Variants in TRRAP observed in about 807,000 individuals in gnomAD.
TRRAP encodes the protein transformation/transcription domain-associated protein.
In TRRAP, 41 loss-of-function variants were observed where a neutral mutation model predicts 438.8. The ratio of observed to expected loss-of-function variants is 0.09; its 90% CI spans 0.07 to 0.12. The LOEUF (loss-of-function observed/expected upper bound fraction) is 0.12. Among genes scored for constraint, TRRAP ranks in the 10% least tolerant of loss-of-function variants. The probability of loss-of-function intolerance (pLI) is 1.00; values close to 1 mark genes in which losing one functional copy is unlikely to be tolerated. For synonymous variants in TRRAP, 1,994 were observed against 1,962.9 expected (o/e 1.02, Z -0.42); for missense variants, 3,122 against 5,055.1 (o/e 0.62, Z 11.60).
At chr7:98,951,120 GT>G (rs1171275946) in intron 39 of TRRAP, 116 bp downstream of exon 39, 7 of 1,203,114 alleles carry the variant, frequency 5.8e-6, no homozygotes, top group Non-Finnish European at 6.5e-6. Flanking sequence ...AAATAAGTTT[GT>G]TCCGCCAACA....
intron 11 of TRRAP, among the ~76,000 whole-genome samples, chr7:98,902,871 G>C (rs1278552656): frequency 6.7e-6 from 1 of 150,006 alleles, no homozygotes; most frequent in Non-Finnish European, 1.5e-5. Flanking sequence ...CCAGGAGTTG[G>C]AGGCCAGCTC....
chr7:98,899,523 CT>C (rs781873792), intron 9 of TRRAP, 24 bp downstream of exon 9: 2 of 1,613,018 alleles, frequency 1.2e-6, no homozygotes, highest in Non-Finnish European at 1.7e-6. Flanking sequence ...TCATTAGTCT[CT>C]TGGGTTTTGG....
intron 21 of TRRAP, among the ~76,000 whole-genome samples, chr7:98,924,301 T>A (rs1789933533): frequency 6.6e-6 from 1 of 152,252 alleles, no homozygotes; most frequent in African/African-American, 2.4e-5. Context: ...TTCCACCGCC[T>A]CTTTTGGAAG....
At chr7:98,923,083 C>T (rs1554410894) in intron 21 of TRRAP, among the ~76,000 whole-genome samples, 2 of 152,182 alleles carry the variant, frequency 1.3e-5, no homozygotes, top group Non-Finnish European at 2.9e-5. Context: ...CCCTCTCCAG[C>T]CTCAGGGTGG....
At chr7:98,938,707 A>G (rs1391802938) in intron 30 of TRRAP, among the ~76,000 whole-genome samples, 1 of 152,212 alleles carries the variant, frequency 6.6e-6, no homozygotes, top group African/African-American at 2.4e-5. Flanking sequence ...ACTGGTGAAC[A>G]TTTAGATTGT....
At chr7:98,947,831 C>T (rs1271169581) in intron 33 of TRRAP, among the ~76,000 whole-genome samples, 1 of 152,170 alleles carries the variant, frequency 6.6e-6, no homozygotes, top group African/African-American at 2.4e-5. Context: ...GATACCTTGG[C>T]AAAGTAGGGC....
intron 3 of TRRAP, among the ~76,000 whole-genome samples, chr7:98,889,721 T>TA (rs1405654998): frequency 6.6e-6 from 1 of 151,722 alleles, no homozygotes; most frequent in East Asian, 1.9e-4. Context: ...CCCAGCTTTT[T>TA]AAAAAAAATT....
chr7:98,883,416 A>G (rs1384199303), intron 3 of TRRAP, among the ~76,000 whole-genome samples: 1 of 152,132 alleles, frequency 6.6e-6, no homozygotes, highest in East Asian at 1.9e-4. Context: ...TATTTACTGT[A>G]TGAGGGCTGC....
At chr7:98,915,181 T>A (rs1440002381) in intron 18 of TRRAP, among the ~76,000 whole-genome samples, 1 of 152,194 alleles carries the variant, frequency 6.6e-6, no homozygotes, top group African/African-American at 2.4e-5. Context: ...GTAGTACAAT[T>A]TCAGTTCCTG....
intron 40 of TRRAP, among the ~76,000 whole-genome samples, chr7:98,954,640 C>T (rs1356906549): frequency 1.3e-5 from 2 of 152,252 alleles, no homozygotes; most frequent in South Asian, 2.1e-4. Flanking sequence ...TCCCCTCTAC[C>T]CTCAGAACTG....
At chr7:98,995,119 C>T (rs1177378646) in intron 67 of TRRAP, among the ~76,000 whole-genome samples, 1 of 152,214 alleles carries the variant, frequency 6.6e-6, no homozygotes, top group East Asian at 1.9e-4. Context: ...TCCTGCCCTC[C>T]TGCCTTCCTG....
rs1554414041 is a variant in TRRAP, at chr7:98,935,595, A to G, written c.4031A>G (p.Glu1344Gly). 1 of 1,601,070 alleles carries G rather than the reference A, an allele frequency of 6.2e-7. No individual in the cohort carries two copies. The highest frequency in any genetic ancestry group is 1.1e-5 in the South Asian group (1 of 90,638). ...CTTTTGCAGCTGTTGAATTTGTGTG[A>G]GGCTGAAGATTCAGCTTTAACAAAG... The part of the protein sequence containing the change: ...VFYTELLNLC[E>G]AEDSALTKLP... The change falls in exon 28 of 73, where the codon GAG becomes GGG. Residue 1344 changes from glutamate (E) to glycine (G), a missense_variant. This residue lies in a region of TRRAP where 84 missense variants were observed against 119.8 expected (regional missense o/e 0.70). Transcript: ENST00000456197.
At chr7:98,975,064 C>T (rs532121880) in intron 53 of TRRAP, among the ~76,000 whole-genome samples, 56 of 152,308 alleles carry the variant, frequency 3.7e-4, no homozygotes, top group Non-Finnish European at 6.0e-4. Flanking sequence ...GCTAAACTGA[C>T]GTGGAGCTGA....
chr7:98,895,678 T>C (rs1193498319), intron 6 of TRRAP, 86 bp from the exon 7 acceptor site: 1 of 1,196,926 alleles, frequency 8.4e-7, no homozygotes, highest in Non-Finnish European at 1.2e-6. Context: ...TCTTACGTAG[T>C]AAGACAATTA....
rs557633397 is a variant in TRRAP at position 98,879,342 on chromosome 7, G to A, written c.-62+705G>A. 3.3e-5 allele frequency among the ~76,000 whole-genome samples: 5 copies of A among 152,366 alleles called. No individual in the cohort carries two copies. The South Asian group carries it at 1.0e-3, about 32-fold the overall frequency. On this transcript the variant is annotated intron_variant, in intron 1 of 72. Transcript: ENST00000456197. The stretch of plus-strand genomic sequence containing the variant: ...AGTTGACGACTTCCGTGGGAAGGGG[G>A]AAGTTTGGACAGGACTAGGGAGGTT...
chr7:99,008,240 C>T, intron 69 of TRRAP, 137 bp from the exon 70 acceptor site: 1 of 839,872 alleles, frequency 1.2e-6, no homozygotes. Flanking sequence ...GGTGCATGAC[C>T]ACCGGGTTCT....
chr7:98,894,879 G>A (rs1354055142), intron 6 of TRRAP, among the ~76,000 whole-genome samples: 4 of 139,230 alleles, frequency 2.9e-5, no homozygotes, highest in East Asian at 4.4e-4. Flanking sequence ...CATGTGATCC[G>A]CCTGCCTCAG....
intron 43 of TRRAP, 132 bp from the exon 44 acceptor site, chr7:98,957,849 G>C: frequency 2.7e-6 from 2 of 746,258 alleles, no homozygotes; most frequent in South Asian, 1.5e-5. Flanking sequence ...TCTGTCTTTG[G>C]TATCCCCAGC....
chr7:98,965,731 G>C lies in TRRAP; in HGVS notation c.7012G>C (p.Val2338Leu), dbSNP rs752793763. ...SELVMLSLEL[V>L]KTRLAVMSME... Reference sequence around the variant, plus strand: ...GCTGGTGATGCTGAGTCTGGAGCTGGTGAAGACGCGCCTGGCAGTGATGAG... The same window carrying C: ...GCTGGTGATGCTGAGTCTGGAGCTGCTGAAGACGCGCCTGGCAGTGATGAG... Residue 2338 changes from valine to leucine, a missense_variant, in exon 49 of 73, where the codon GTG (valine) becomes CTG (leucine). By Grantham distance (32) the Val-to-Leu change is conservative. Coordinates refer to ENST00000456197, the MANE Select transcript of TRRAP (RefSeq NM_001375524.1). 2 of 1,614,156 alleles carry C rather than the reference G, an allele frequency of 1.2e-6. No individual in the cohort carries two copies. The highest frequency in any genetic ancestry group is 1.7e-6 in the Non-Finnish European group (2 of 1,180,040).
Sources: gnomAD v4.1 joint callset for allele counts (sites outside exome capture counted in the v4.1 genomes callset) on GRCh38, gnomAD v4.1.1 for gene constraint, gnomAD v4.1.1 regional missense constraint, MANE v1.5 for transcripts, NCBI Gene and HGNC (gene_info 2026-07-23, HGNC 2026-07-21) for gene names.